Variants in ZNF485 observed in about 807,000 individuals in gnomAD.
ZNF485 encodes zinc finger protein 485, also known as Zinc finger protein 93 (Zinc finger protein HTF34).
Under a neutral mutation model 10.8 loss-of-function variants are expected in ZNF485, and 9 were observed. The ratio of observed to expected loss-of-function variants is 0.83; its 90% CI spans 0.50 to 1.45. The LOEUF (loss-of-function observed/expected upper bound fraction) is 1.45, where lower values mean the gene tolerates loss of function less well. ZNF485 is among the 40% of genes most tolerant of loss of function. The pLI, the probability that ZNF485 is intolerant of heterozygous loss-of-function variation, is 0.00. For missense variants in ZNF485, 487 were observed against 528.0 expected, an observed-to-expected ratio of 0.92 and a Z score of 0.76; for synonymous variants, 187 against 181.0, an observed-to-expected ratio of 1.03 and a Z score of -0.27.
Position 43,616,973 on chromosome 10 carries a change from C to T in ZNF485, c.930C>T (p.Ser310=), listed in dbSNP as rs542482903. 1.2e-4 allele frequency: 191 copies of T among 1,614,110 alleles called. 1 individual carries two copies. The South Asian group carries it at 2.1e-3, about 17-fold the overall frequency. ...CNECGKAFRK[S]STLISHQRMH... ...AATGTGGAAAAGCCTTTAGGAAGAG[C>T]TCAACTCTTATTAGTCACCAAAGAA... Residue 310 remains serine (S), a synonymous_variant, in exon 5 of 5, where the codon AGC becomes AGT. Coordinates refer to ENST00000361807, the MANE Select transcript of ZNF485 (RefSeq NM_145312.4).
In ZNF485 at chr10:43,606,547, G is replaced by A. The variant is rs372436467; in HGVS notation, c.-55+1G>A. On this transcript the variant is annotated splice_donor_variant, in intron 1 of 4. Transcript: ENST00000361807. LOFTEE classifies it low-confidence loss of function (5UTR_SPLICE). ...TCCGCAGCCCTGCCGGCTCGGTTCGGTTCGTGAGCGGCCGGGGTCAGGCTG... is the reference window on the plus strand; with the variant it reads ...TCCGCAGCCCTGCCGGCTCGGTTCGATTCGTGAGCGGCCGGGGTCAGGCTG... The A allele has an allele frequency of 5.8e-5, 18 of 308,960 alleles. No individual in the cohort carries two copies. Among genetic ancestry groups the A allele is most frequent in the African/African-American group, 3.3e-4 (15 of 45,300 alleles). 19.1% of individuals were successfully genotyped at this position (308,960 alleles called of 1,614,324 possible).
intron 4 of ZNF485, among the ~76,000 whole-genome samples, chr10:43,614,840 A>G (rs1165382132): frequency 1.3e-5 from 2 of 152,276 alleles, no homozygotes; most frequent in East Asian, 3.9e-4. Context: ...TCTGTGCATC[A>G]TATGAGTTAG....
chr10:43,616,886 T>C lies in ZNF485; in HGVS notation c.843T>C (p.Asp281=). 6.2e-7 allele frequency: 1 copy of C among 1,614,084 alleles called. No homozygotes were observed. Among genetic ancestry groups the C allele is most frequent in the Non-Finnish European group, 8.5e-7 (1 of 1,180,028 alleles). ...ACAAGTGTGGGAGAGCTTTCAGGGA[T>C]AATTCAACTGTGTTGGAACATCAGA... The part of the protein sequence containing the change: ...KCNKCGRAFR[D]NSTVLEHQKI... The change falls in exon 5 of 5, where the codon GAT becomes GAC. Residue 281 remains aspartate, a synonymous_variant. Transcript: ENST00000361807.
Position 43,617,217 on chromosome 10 carries a change from C to G in ZNF485, c.1174C>G (p.Arg392Gly). ...YHCKKCGKAF[R>G]HSSGLVEHQR... ...CTGTAAGAAATGTGGGAAAGCCTTT[C>G]GGCACAGCTCAGGCCTTGTTGAACA... Residue 392 changes from arginine (R) to glycine (G), a missense_variant, in exon 5 of 5, where the codon CGG becomes GGG. Arg to Gly is a moderately radical substitution (Grantham distance 125). Transcript: ENST00000361807. 6.2e-7 allele frequency: 1 copy of G among 1,614,114 alleles called. No individual in the cohort carries two copies. The highest frequency in any genetic ancestry group is 8.5e-7 in the Non-Finnish European group (1 of 1,180,002).
chr10:43,608,822 G>GA (rs762889296), intron 3 of ZNF485, 82 bp downstream of exon 3: 401 of 1,534,452 alleles, frequency 2.6e-4, no homozygotes, highest in Middle Eastern at 7.0e-4. Flanking sequence ...TTGGGGTATT[G>GA]AAAAAATCTT....
Position 43,616,366 on chromosome 10 carries a change from G to A in ZNF485, c.323G>A (p.Arg108Gln), listed in dbSNP as rs774582254. The A allele has an allele frequency of 1.2e-5, 20 of 1,613,844 alleles. No homozygotes were observed. The East Asian group carries it at 1.6e-4, about 13-fold the overall frequency. ...TCTGAAGCATCTGTTCTGGGAGAGCGAACGAAAAGTGTCATGATGGAAAAA... is the reference window on the plus strand; with the variant it reads ...TCTGAAGCATCTGTTCTGGGAGAGCAAACGAAAAGTGTCATGATGGAAAAA... ...STSEASVLGE[R>Q]TKSVMMEKGL... The change falls in exon 5 of 5, where the codon CGA (arginine) becomes CAA (glutamine). Residue 108 changes from arginine to glutamine, a missense_variant. Arg to Gln is a conservative substitution (Grantham distance 43). Coordinates refer to ENST00000361807, the MANE Select transcript of ZNF485 (RefSeq NM_145312.4).
intron 4 of ZNF485, among the ~76,000 whole-genome samples, chr10:43,615,229 A>G (rs1838831548): frequency 6.6e-6 from 1 of 152,210 alleles, no homozygotes; most frequent in African/African-American, 2.4e-5. Flanking sequence ...TTATAAGAAA[A>G]GCGCATTTAG....
In ZNF485 at chr10:43,608,393, G is replaced by T. The variant is rs150648234; in HGVS notation, c.25-221G>T. 9.2e-5 allele frequency among the ~76,000 whole-genome samples: 14 copies of T among 152,330 alleles called. 1 individual carries two copies. In the East Asian group the frequency reaches 2.7e-3, roughly 29 times the overall value. On this transcript the variant is annotated intron_variant, in intron 2 of 4. Coordinates refer to ENST00000361807, the MANE Select transcript of ZNF485 (RefSeq NM_145312.4). The stretch of plus-strand genomic sequence containing the variant: ...TTGATGAGGTGACATGAAGGGTGGA[G>T]TGAGCAGAGGCTAGGCCTGGAGGAG...
intron 4 of ZNF485, among the ~76,000 whole-genome samples, chr10:43,613,469 C>CG (rs2132351379): frequency 6.6e-6 from 1 of 152,316 alleles, no homozygotes; most frequent in South Asian, 2.1e-4. Context: ...AGTACAGTTG[C>CG]GGGGCCCCCT....
Position 43,617,538 on chromosome 10 carries a change from G to T in ZNF485, c.*169G>T. 1 of 571,150 alleles carries T rather than the reference G, an allele frequency of 1.8e-6. No homozygotes were observed. Among genetic ancestry groups the T allele is most frequent in the South Asian group, 2.9e-5 (1 of 33,964 alleles). 35.4% of individuals were successfully genotyped at this position (571,150 alleles called of 1,614,324 possible). On this transcript the variant is annotated 3_prime_UTR_variant, in exon 5 of 5. Transcript: ENST00000361807. ...AAATATTTGAAGAAACTAAATGTAT[G>T]TCAGTATGGAAGTAGTTATAGCATA...
At chr10:43,610,947 C>T (rs963607515) in intron 4 of ZNF485, among the ~76,000 whole-genome samples, 7 of 152,198 alleles carry the variant, frequency 4.6e-5, no homozygotes, top group Non-Finnish European at 1.0e-4. Flanking sequence ...CATGGTAGCA[C>T]ACTCTTTTGC....
chr10:43,613,432 T>C (rs1347001699), intron 4 of ZNF485, among the ~76,000 whole-genome samples: 3 of 152,262 alleles, frequency 2.0e-5, no homozygotes, highest in Non-Finnish European at 4.4e-5. Flanking sequence ...TTCTGAAAAC[T>C]GTAGCGTGCC....
intron 4 of ZNF485, among the ~76,000 whole-genome samples, chr10:43,615,285 C>G (rs1335401558): frequency 6.6e-6 from 1 of 152,002 alleles, no homozygotes; most frequent in African/African-American, 2.4e-5. Flanking sequence ...AAGTTTGGCT[C>G]TATTAGTTTT....
rs1302041615 is a variant in ZNF485 at position 43,606,851 on chromosome 10, C to T, written c.-54-146C>T. 9 of 627,342 alleles carry T rather than the reference C, an allele frequency of 1.4e-5. No individual in the cohort carries two copies. In the East Asian group the frequency reaches 2.2e-4, roughly 15 times the overall value. The allele number at this position is 627,342 out of a possible 1,614,324, so 38.9% of individuals were successfully genotyped here. ...CCAGGCCGGATCCCAGCAGCCGTTCCCTTTCCTTTCTTCCCGAGCGTACCC... is the reference window on the plus strand; with the variant it reads ...CCAGGCCGGATCCCAGCAGCCGTTCTCTTTCCTTTCTTCCCGAGCGTACCC... On this transcript the variant is annotated intron_variant, in intron 1 of 4. Coordinates refer to ENST00000361807, the MANE Select transcript of ZNF485 (RefSeq NM_145312.4).
In ZNF485 at chr10:43,607,065, C is replaced by A; in HGVS notation, c.15C>A (p.Ala5=). The A allele has an allele frequency of 1.9e-6, 3 of 1,551,718 alleles. No homozygotes were observed. The highest frequency in any genetic ancestry group is 2.6e-6 in the Non-Finnish European group (3 of 1,147,030). Residue 5 remains alanine, a synonymous_variant, in exon 2 of 5, where the codon GCC becomes GCA. Coordinates refer to ENST00000361807, the MANE Select transcript of ZNF485 (RefSeq NM_145312.4). The part of the protein sequence containing the change: MAPR[A]QIQGPLTFGD... ...TCAGGAGACAGATGGCCCCAAGAGC[C>A]CAGATCCAGGCAAGTTTGATTTTTC...
chr10:43,616,818 C>T lies in ZNF485; in HGVS notation c.775C>T (p.Arg259Cys), dbSNP rs777671042. ...CTTCGCTCAGAATGCAGCTCTTACT[C>T]GTCATGAAAGAATACATAGTGGAGA... is the stretch of plus-strand genomic sequence containing the variant. ...KAFAQNAALT[R>C]HERIHSGEKP... The change falls in exon 5 of 5, where the codon CGT becomes TGT. Residue 259 changes from arginine to cysteine, a missense_variant. Coordinates refer to ENST00000361807, the MANE Select transcript of ZNF485 (RefSeq NM_145312.4). 25 of 1,613,820 alleles carry T rather than the reference C, an allele frequency of 1.5e-5. No individual in the cohort carries two copies. The highest frequency in any genetic ancestry group is 2.7e-5 in the African/African-American group (2 of 74,894).
chr10:43,616,235 C>G, intron 4 of ZNF485, 56 bp from the exon 5 acceptor site: 1 of 1,397,126 alleles, frequency 7.2e-7, no homozygotes, highest in East Asian at 2.3e-5. Context: ...TTGCACAACT[C>G]TCACTTTCAG....
In ZNF485 at chr10:43,617,138, G is replaced by A. The variant is rs768325700; in HGVS notation, c.1095G>A (p.Lys365=). 1 of 1,614,164 alleles carries A rather than the reference G, an allele frequency of 6.2e-7. No homozygotes were observed. The highest frequency in any genetic ancestry group is 1.1e-5 in the South Asian group (1 of 91,076). ...GTGACTGTGGGAAGGCCTTTACAAA[G>A]AGCTCAACCCTTACTGGACATCAGA... ...QCRDCGKAFT[K]SSTLTGHQRI... Residue 365 remains lysine (K), a synonymous_variant, in exon 5 of 5, where the codon AAG becomes AAA. Transcript: ENST00000361807.
chr10:43,614,935 A>C (rs1361351873), intron 4 of ZNF485, among the ~76,000 whole-genome samples: 1 of 152,178 alleles, frequency 6.6e-6, no homozygotes, highest in Admixed American at 6.5e-5. Flanking sequence ...TTTGTCATAG[A>C]AGAAGTGCCC....
Sources: allele counts gnomAD v4.1 joint callset (sites outside exome capture counted in the v4.1 genomes callset), GRCh38; gene constraint gnomAD v4.1.1; transcripts MANE v1.5; gene names NCBI Gene and HGNC (gene_info 2026-07-23, HGNC 2026-07-21).